The following SBF2 variants were observed in gnomAD, a reference collection of about 807,000 sequenced individuals.
The protein encoded by SBF2 is myotubularin-related protein 13.
In SBF2, 112 loss-of-function variants were observed where a neutral mutation model predicts 225.2. The ratio of observed to expected loss-of-function variants is 0.50; its 90% confidence interval spans 0.43 to 0.58. The LOEUF is 0.58. Among genes scored for constraint, SBF2 ranks in the 20% least tolerant of loss-of-function variants. SBF2 has a pLI of 0.00. For missense variants in SBF2, 1,996 were observed against 2,206.2 expected (o/e 0.90, Z 1.91); for synonymous variants, 763 against 773.3 (o/e 0.99, Z 0.22).
chr11:9,901,126 A>T (rs1238634844), intron 16 of SBF2, among the ~76,000 whole-genome samples: 1 of 152,202 alleles, frequency 6.6e-6, no homozygotes, highest in African/African-American at 2.4e-5. Flanking sequence ...AATAATTTTA[A>T]ATGATAGATA....
At chr11:9,918,364 T>A (rs1863291801) in intron 16 of SBF2, among the ~76,000 whole-genome samples, 1 of 151,886 alleles carries the variant, frequency 6.6e-6, no homozygotes, top group African/African-American at 2.4e-5. Context: ...TTTTATTTCT[T>A]TTTTTTGAGA....
chr11:9,992,362 CT>C lies in SBF2; in HGVS notation c.1296+52del. The C allele has an allele frequency of 2.0e-6, 3 of 1,467,992 alleles. No homozygotes were observed. In the East Asian group the frequency reaches 7.1e-5, roughly 35 times the overall value. The allele number at this position is 1,467,992 out of a possible 1,614,324, so 90.9% of individuals were successfully genotyped here. A position where few individuals can be genotyped will look rare whatever the true frequency, so the allele number is the denominator to read the frequency against. The stretch of plus-strand genomic sequence containing the variant: ...GGAAAATGTTACTTTTTACTTTTAA[CT>C]ACTAGTCTAATTATGTCTATAAATA... On this transcript the variant is annotated intron_variant, in intron 12 of 39. Coordinates refer to ENST00000256190, the MANE Select transcript of SBF2 (RefSeq NM_030962.4).
chr11:9,948,037 G>A (rs1865663275), intron 16 of SBF2, among the ~76,000 whole-genome samples: 1 of 152,068 alleles, frequency 6.6e-6, no homozygotes, highest in Admixed American at 6.6e-5. Context: ...GCAACCCAAA[G>A]TGTCCACTGA....
At chr11:9,862,516 C>G (rs1050700110) in intron 17 of SBF2, among the ~76,000 whole-genome samples, 2 of 152,118 alleles carry the variant, frequency 1.3e-5, no homozygotes, top group Non-Finnish European at 2.9e-5. Flanking sequence ...CAGATGGGAA[C>G]AGAAATAAAG....
intron 2 of SBF2, among the ~76,000 whole-genome samples, chr11:10,090,351 AAC>A (rs1190997458): frequency 1.3e-5 from 2 of 152,234 alleles, no homozygotes; most frequent in African/African-American, 4.8e-5. Flanking sequence ...TATATATTTT[AAC>A]ACAGTTATAT....
chr11:9,787,725 A>AATT lies in SBF2; in HGVS notation c.4943_4945dup (p.Lys1648_Leu1649insTer). ...AGGGGCTTGGTTCAATTTGTGCTCC[A>AATT]ATTTTTCAATTTCCTGCAAAGAAAT... On this transcript the variant is annotated stop_gained, in exon 36 of 40. Transcript: ENST00000256190. LOFTEE classifies it high-confidence loss of function. 1 of 1,614,160 alleles carries AATT rather than the reference A, an allele frequency of 6.2e-7. No homozygotes were observed. The highest frequency in any genetic ancestry group is 1.3e-5 in the African/African-American group (1 of 75,030).
intron 2 of SBF2, among the ~76,000 whole-genome samples, chr11:10,187,480 G>A (rs186937082): frequency 3.9e-5 from 6 of 152,126 alleles, no homozygotes; most frequent in East Asian, 1.9e-4. Context: ...CCCTGCCTTC[G>A]CTCATCTCCT....
chr11:9,973,648 TCTGCAGCACCCCTCCCCC>T (rs1946553460), intron 13 of SBF2, among the ~76,000 whole-genome samples: 1 of 152,170 alleles, frequency 6.6e-6, no homozygotes. Context: ...CATCATCTGG[TCTGCAGCACCCCTCCCCC>T]CTGCAGCACG....
At chr11:9,883,971 C>A (rs1860042065) in intron 17 of SBF2, among the ~76,000 whole-genome samples, 1 of 152,166 alleles carries the variant, frequency 6.6e-6, no homozygotes, top group Non-Finnish European at 1.5e-5. Flanking sequence ...TAGACATCAT[C>A]AGCATTTACA....
At chr11:10,171,816 C>T (rs1275665615) in intron 2 of SBF2, among the ~76,000 whole-genome samples, 1 of 152,116 alleles carries the variant, frequency 6.6e-6, no homozygotes, top group East Asian at 1.9e-4. Context: ...CGGCTTTGAT[C>T]TTGTTACTTG....
At chr11:10,052,639 A>T (rs1048087543) in intron 2 of SBF2, among the ~76,000 whole-genome samples, 1 of 152,224 alleles carries the variant, frequency 6.6e-6, no homozygotes, top group Non-Finnish European at 1.5e-5. Flanking sequence ...TGTATGAAGT[A>T]GATAACTTGC....
intron 2 of SBF2, among the ~76,000 whole-genome samples, chr11:10,061,797 C>A (rs879715191): frequency 6.6e-6 from 1 of 152,144 alleles, no homozygotes; most frequent in African/African-American, 2.4e-5. Context: ...AATGCTATTC[C>A]TATCAAACTA....
At chr11:10,265,667 T>G (rs1413562061) in intron 1 of SBF2, among the ~76,000 whole-genome samples, 1 of 152,152 alleles carries the variant, frequency 6.6e-6, no homozygotes, top group Non-Finnish European at 1.5e-5. Flanking sequence ...AGAACATATA[T>G]GCACCTATGT....
At chr11:9,999,279 CTGTA>C (rs3073236) in intron 8 of SBF2, among the ~76,000 whole-genome samples, 35,180 of 146,576 alleles carry the variant, frequency 0.24, 4,199 homozygotes, top group South Asian at 0.27. Flanking sequence ...CCTCCAGTGA[CTGTA>C]TGTATGTATG....
chr11:10,019,411 G>A (rs1948763554), intron 6 of SBF2, among the ~76,000 whole-genome samples: 1 of 152,134 alleles, frequency 6.6e-6, no homozygotes, highest in Non-Finnish European at 1.5e-5. Context: ...GAACATAGCT[G>A]ATATTCAACT....
rs369979138 is a variant in SBF2 at position 10,193,995 on chromosome 11, T to G, written c.56-8A>C. 3.9e-5 allele frequency: 62 copies of G among 1,584,514 alleles called. No individual in the cohort carries two copies. In the African/African-American group the frequency reaches 7.5e-4, roughly 19 times the overall value. ...CCAGACCTTCTCCTGATCCTGTTAA[T>G]AAAATCAAAGTGAATCATTATTATA... On this transcript the variant is annotated splice_region_variant and splice_polypyrimidine_tract_variant and intron_variant, in intron 1 of 39. Coordinates refer to ENST00000256190, the MANE Select transcript of SBF2 (RefSeq NM_030962.4).
At chr11:10,004,585 A>AACAAC (rs1215249146) in intron 6 of SBF2, among the ~76,000 whole-genome samples, 1 of 148,696 alleles carries the variant, frequency 6.7e-6, no homozygotes, top group Non-Finnish European at 1.5e-5. Context: ...AAAAAAAAAA[A>AACAAC]AAAAAAAAAA....
intron 16 of SBF2, among the ~76,000 whole-genome samples, chr11:9,940,223 G>T (rs2134290260): frequency 6.6e-6 from 1 of 152,230 alleles, no homozygotes; most frequent in Non-Finnish European, 1.5e-5. Context: ...CTAACACGGT[G>T]AAACCCCGTC....
intron 2 of SBF2, among the ~76,000 whole-genome samples, chr11:10,090,484 G>T (rs578179788): frequency 3.7e-4 from 57 of 152,150 alleles, no homozygotes; most frequent in Admixed American, 6.5e-4. Context: ...ACTATTAGAC[G>T]CTGGGCGCAG....
Sources: gnomAD v4.1 joint callset for allele counts (sites outside exome capture counted in the v4.1 genomes callset) on GRCh38, gnomAD v4.1.1 for gene constraint, MANE v1.5 for transcripts, NCBI Gene and HGNC (gene_info 2026-07-23, HGNC 2026-07-21) for gene names.